The following PLB1 variants were observed in gnomAD, a reference collection of about 807,000 sequenced individuals.
The protein encoded by PLB1 is phospholipase B1.
Under a neutral mutation model 227.4 loss-of-function variants are expected in PLB1, and 242 were observed. The observed-to-expected ratio is 1.06, with a 90% confidence interval of 0.96 to 1.18. The LOEUF (loss-of-function observed/expected upper bound fraction) is 1.18. Ranked by LOEUF, PLB1 falls within the 50% of genes most tolerant of loss-of-function variation. The probability of loss-of-function intolerance (pLI) is 0.00; values close to 1 mark genes in which losing one functional copy is unlikely to be tolerated. For missense variants in PLB1, 1,858 were observed against 1,816.3 expected (o/e 1.02, Z -0.42); for synonymous variants, 757 against 682.2 (o/e 1.11, Z -1.71).
At chr2:28,578,067 C>T (rs1437940936) in intron 21 of PLB1, 40 bp from the exon 22 acceptor site, 1 of 1,601,438 alleles carries the variant, frequency 6.2e-7, no homozygotes, top group East Asian at 2.2e-5. Context: ...CCCTGCCAGT[C>T]CCCACTCCTC....
intron 25 of PLB1, among the ~76,000 whole-genome samples, chr2:28,585,345 G>A (rs888795305): frequency 1.3e-5 from 2 of 151,396 alleles, no homozygotes; most frequent in African/African-American, 4.9e-5. Flanking sequence ...GCACAATCTC[G>A]GCTCACTGCA....
chr2:28,537,658 C>CAAAAAAA (rs771254945), intron 9 of PLB1, among the ~76,000 whole-genome samples: 1 of 56,232 alleles, frequency 1.8e-5, no homozygotes. Flanking sequence ...GACTCCATCT[C>CAAAAAAA]AAAAAAAAAA....
intron 20 of PLB1, among the ~76,000 whole-genome samples, chr2:28,570,156 G>T (rs1162440989): frequency 6.6e-6 from 1 of 152,078 alleles, no homozygotes; most frequent in African/African-American, 2.4e-5. Flanking sequence ...GAAGAGGAAG[G>T]AATGCTTCAC....
At chr2:28,558,225 T>C (rs1675463469) in intron 17 of PLB1, among the ~76,000 whole-genome samples, 1 of 151,880 alleles carries the variant, frequency 6.6e-6, no homozygotes, top group Non-Finnish European at 1.5e-5. Context: ...ACAGGAATGG[T>C]AGGTTTCAGC....
In PLB1 at chr2:28,632,924, C is replaced by G; in HGVS notation, c.4003-20C>G. On this transcript the variant is annotated intron_variant, in intron 55 of 57. Coordinates refer to ENST00000327757, the MANE Select transcript of PLB1 (RefSeq NM_153021.5). ...CAGAGCCCTTTCCCAGGATGATAAC[C>G]TCCTTGCCGTTGGTTGCAGAGAGGG... 1 of 1,588,826 alleles carries G rather than the reference C, an allele frequency of 6.3e-7. No individual in the cohort carries two copies. The highest frequency in any genetic ancestry group is 1.1e-5 in the South Asian group (1 of 90,772).
chr2:28,594,421 G>GA (rs1682558144), intron 33 of PLB1: 1 of 165,006 alleles, frequency 6.1e-6, no homozygotes. Context: ...AGTAAGTGGC[G>GA]AGTAGCTCAG....
At chr2:28,582,963 T>C (rs1012244554) in intron 25 of PLB1, among the ~76,000 whole-genome samples, 3 of 152,158 alleles carry the variant, frequency 2.0e-5, no homozygotes, top group African/African-American at 7.2e-5. Flanking sequence ...TTCACAGATA[T>C]AGGGCCACTG....
chr2:28,639,923 T>C (rs1472095808), intron 56 of PLB1, among the ~76,000 whole-genome samples: 3 of 152,194 alleles, frequency 2.0e-5, no homozygotes, highest in Admixed American at 2.0e-4. Flanking sequence ...AGCCCAGCAC[T>C]GCACAGCTCG....
At position 28,632,973 on chromosome 2, in the gene PLB1, C is replaced by T. The variant is rs3752902; in HGVS notation, c.4032C>T (p.Ser1344=). The T allele has an allele frequency of 0.038, 60,440 of 1,608,412 alleles. 4,567 individuals carry two copies. Among genetic ancestry groups the T allele is most frequent in the African/African-American group, 0.34 (24,026 of 70,164 alleles). The change falls in exon 56 of 58, where the codon TCC becomes TCT. Residue 1344 remains serine, a synonymous_variant. Transcript: ENST00000327757. ...ERGDTDLTFF[S]EDCFHFSDRG... ...GGGACACTGACCTCACCTTCTTCTCCGAGGACTGTTTTCACTTCTCAGACC... is the reference window on the plus strand; with the variant it reads ...GGGACACTGACCTCACCTTCTTCTCTGAGGACTGTTTTCACTTCTCAGACC...
rs1310615086 is a variant in PLB1, at chr2:28,629,182, C to T, written c.3815C>T (p.Ala1272Val). The change falls in exon 53 of 58, where the codon GCT (alanine) becomes GTT (valine). Residue 1272 changes from alanine (A) to valine (V), a missense_variant. Transcript: ENST00000327757. ...GQGGKCAMLA[A>V]QNNCTCLRHS... ...GGCGGGAAATGTGCCATGCTGGCAG[C>T]TCAGTAAGTGGACAGGTCACCGTCC... The T allele has an allele frequency of 1.2e-6, 2 of 1,613,342 alleles. No individual in the cohort carries two copies. The highest frequency in any genetic ancestry group is 1.7e-5 in the Admixed American group (1 of 59,956).
At chr2:28,503,174 G>A (rs1399700752) in intron 1 of PLB1, among the ~76,000 whole-genome samples, 1 of 150,772 alleles carries the variant, frequency 6.6e-6, no homozygotes, top group Admixed American at 6.6e-5. Context: ...TATTTTTTGA[G>A]AAAGGTCTAA....
chr2:28,520,077 C>T (rs971881700), intron 4 of PLB1, among the ~76,000 whole-genome samples: 3 of 151,794 alleles, frequency 2.0e-5, no homozygotes, highest in South Asian at 2.1e-4. Context: ...TACAGGCATG[C>T]GCCACCATGC....
rs766730909 is a variant in PLB1 at position 28,582,509 on chromosome 2, A to G, written c.1733+4A>G. 6.3e-7 allele frequency: 1 copy of G among 1,592,408 alleles called. No homozygotes were observed. Among genetic ancestry groups the G allele is most frequent in the Non-Finnish European group, 8.6e-7 (1 of 1,165,660 alleles). On this transcript the variant is annotated splice_donor_region_variant and intron_variant, in intron 25 of 57. Coordinates refer to ENST00000327757, the MANE Select transcript of PLB1 (RefSeq NM_153021.5). ...ACTGCCCAAGGATGATCCTCAGGTC[A>G]GACAGATACTTCTCCCCGATTCTAC...
chr2:28,515,401 C>G (rs577426602), intron 1 of PLB1, among the ~76,000 whole-genome samples: 12 of 152,340 alleles, frequency 7.9e-5, no homozygotes, highest in African/African-American at 2.9e-4. Flanking sequence ...CCTATGCCAG[C>G]CTTTTCCAGC....
At chr2:28,591,111 G>T in intron 29 of PLB1, 22 bp from the exon 30 acceptor site, 2 of 1,614,120 alleles carry the variant, frequency 1.2e-6, no homozygotes, top group Non-Finnish European at 1.7e-6. Context: ...TGCTGCCATT[G>T]CTCACCCCCC....
intron 4 of PLB1, among the ~76,000 whole-genome samples, chr2:28,524,774 G>A (rs1329054087): frequency 6.6e-6 from 1 of 151,884 alleles, no homozygotes; most frequent in Non-Finnish European, 1.5e-5. Context: ...ATGCTGCAGA[G>A]GAAGCCAAGA....
chr2:28,523,317 C>T (rs567669016), intron 4 of PLB1, among the ~76,000 whole-genome samples: 1 of 147,310 alleles, frequency 6.8e-6, no homozygotes, highest in Non-Finnish European at 1.5e-5. Flanking sequence ...GGTCATACTG[C>T]AATATCTTAT....
At chr2:28,565,407 A>T (rs892567235) in intron 19 of PLB1, 54 bp downstream of exon 19, 1 of 1,497,098 alleles carries the variant, frequency 6.7e-7, no homozygotes, top group African/African-American at 1.4e-5. Context: ...GAGCAAGGGA[A>T]GCCCCCTGAG....
At chr2:28,564,119 A>G (rs1676474705) in intron 18 of PLB1, among the ~76,000 whole-genome samples, 1 of 152,222 alleles carries the variant, frequency 6.6e-6, no homozygotes, top group Non-Finnish European at 1.5e-5. Context: ...ACACATGCCT[A>G]TAGTCCCAGC....
Sources: allele counts gnomAD v4.1 joint callset (sites outside exome capture counted in the v4.1 genomes callset), GRCh38; gene constraint gnomAD v4.1.1; transcripts MANE v1.5; gene names NCBI Gene and HGNC (gene_info 2026-07-23, HGNC 2026-07-21).